The following PSKH2 variants were observed in gnomAD, a reference collection of about 807,000 sequenced individuals.
PSKH2 encodes serine/threonine-protein kinase H2.
Under a neutral mutation model 22.5 loss-of-function variants are expected in PSKH2, and 16 were observed. The ratio of observed to expected loss-of-function variants is 0.71; its 90% confidence interval spans 0.48 to 1.08. The LOEUF (loss-of-function observed/expected upper bound fraction) is 1.08, where lower values mean the gene tolerates loss of function less well. Ranked by LOEUF, PSKH2 falls within the 50% of genes least tolerant of loss-of-function variation. The pLI, the probability that PSKH2 is intolerant of heterozygous loss-of-function variation, is 0.00. For synonymous variants in PSKH2, 188 were observed against 184.8 expected (o/e 1.02, Z -0.14); for missense variants, 516 against 492.8 (o/e 1.05, Z -0.44).
At chr8:86,063,941 A>G (rs1460216309) in intron 2 of PSKH2, 24 bp downstream of exon 2, 2 of 1,570,756 alleles carry the variant, frequency 1.3e-6, no homozygotes, top group Non-Finnish European at 1.7e-6. Context: ...CCAACACAAT[A>G]GAAATAAAAT....
At chr8:86,066,680 CT>C (rs143102041) in intron 1 of PSKH2, among the ~76,000 whole-genome samples, 2,159 of 149,066 alleles carry the variant, frequency 0.014, 54 homozygotes, top group African/African-American at 0.049. Context: ...TTTCCTGTAA[CT>C]TTTTTTTTTG....
In PSKH2 at chr8:86,057,362, A is replaced by ATTTGTT. The variant is rs527575498; in HGVS notation, c.852+6597_852+6602dup. Among the ~76,000 whole-genome samples the ATTTGTT allele has an allele frequency of 4.1e-3, 599 of 146,386 alleles. 3 individuals carry two copies. Among genetic ancestry groups the ATTTGTT allele is most frequent in the Non-Finnish European group, 6.5e-3 (434 of 66,524 alleles). ...AGTTTTTTTTTGTTTGTTTGTTTTC[A>ATTTGTT]TTTGTTTTTGTTTTTGTTTTTGTTT... On this transcript the variant is annotated intron_variant, in intron 2 of 2. Transcript: ENST00000276616.
intron 2 of PSKH2, among the ~76,000 whole-genome samples, chr8:86,053,443 A>G (rs1182119129): frequency 2.0e-5 from 3 of 152,106 alleles, no homozygotes; most frequent in Non-Finnish European, 4.4e-5. Context: ...GCGGTCACAC[A>G]TCACTTTGTG....
At position 86,047,315 on chromosome 8, in the gene PSKH2, A is replaced by T. The variant is rs1280830898; in HGVS notation, c.*1147T>A. Among the ~76,000 whole-genome samples, 1 of 152,174 alleles carries T rather than the reference A, an allele frequency of 6.6e-6. No individual in the cohort carries two copies. The highest frequency in any genetic ancestry group is 1.5e-5 in the Non-Finnish European group (1 of 68,022). On this transcript the variant is annotated 3_prime_UTR_variant, in exon 3 of 3. Transcript: ENST00000276616. ...AGGTCTGTCATATATCATGTGATAC[A>T]GCATTACAACATAAAAAGAAAATAG...
intron 2 of PSKH2, among the ~76,000 whole-genome samples, chr8:86,063,475 C>T (rs1441663722): frequency 6.6e-6 from 1 of 152,148 alleles, no homozygotes; most frequent in Non-Finnish European, 1.5e-5. Flanking sequence ...TTAAACATTT[C>T]GCTGAGAAAA....
chr8:86,052,529 G>A (rs1490533530), intron 2 of PSKH2, among the ~76,000 whole-genome samples: 1 of 152,184 alleles, frequency 6.6e-6, no homozygotes, highest in Non-Finnish European at 1.5e-5. Context: ...ATTAGACCAA[G>A]CATGTGAAAA....
intron 2 of PSKH2, 124 bp from the exon 3 acceptor site, chr8:86,048,891 A>C: frequency 2.4e-6 from 2 of 837,818 alleles, no homozygotes; most frequent in Non-Finnish European, 3.6e-6. Flanking sequence ...TTTTCAAATA[A>C]GCAGTTTTAA....
intron 2 of PSKH2, among the ~76,000 whole-genome samples, chr8:86,057,157 C>T (rs560816010): frequency 3.3e-5 from 5 of 151,834 alleles, no homozygotes; most frequent in South Asian, 2.1e-4. Context: ...CTCTTGGGCT[C>T]GGGTGATCCT....
rs1343016714 is a variant in PSKH2, at chr8:86,056,842, C to T, written c.852+7123G>A. On this transcript the variant is annotated intron_variant, in intron 2 of 2. Transcript: ENST00000276616. ...AAAAACTTTTAAATGTCCAAAGTTA[C>T]ACAGTTAGTAAATTGCAGAGCTGGT... 4.0e-5 allele frequency among the ~76,000 whole-genome samples: 6 copies of T among 151,164 alleles called. No homozygotes were observed. The South Asian group carries it at 6.2e-4, about 16-fold the overall frequency.
intron 2 of PSKH2, 63 bp from the exon 3 acceptor site, chr8:86,048,830 A>T (rs772166263): frequency 5.1e-5 from 69 of 1,351,064 alleles, no homozygotes; most frequent in Non-Finnish European, 6.6e-5. Context: ...ACAAACACAA[A>T]GAATCCTATT....
chr8:86,057,811 G>A (rs1368601297), intron 2 of PSKH2, among the ~76,000 whole-genome samples: 1 of 152,076 alleles, frequency 6.6e-6, no homozygotes. Flanking sequence ...CACAAATGTG[G>A]CCCTTTTCAT....
intron 2 of PSKH2, among the ~76,000 whole-genome samples, chr8:86,053,418 G>T (rs539380935): frequency 1.1e-4 from 17 of 152,114 alleles, no homozygotes; most frequent in South Asian, 4.2e-4. Flanking sequence ...TTCTGTTCAG[G>T]CTTCTCTTTA....
At chr8:86,069,399 C>T (rs753139740) in intron 1 of PSKH2, 39 bp downstream of exon 1, 4 of 1,497,776 alleles carry the variant, frequency 2.7e-6, no homozygotes, top group Non-Finnish European at 3.6e-6. Flanking sequence ...TTTTCTTTGT[C>T]AGCCCAGTCC....
intron 1 of PSKH2, among the ~76,000 whole-genome samples, chr8:86,067,187 G>C (rs1216855372): frequency 6.6e-6 from 1 of 152,022 alleles, no homozygotes; most frequent in Non-Finnish European, 1.5e-5. Context: ...TTTGGCATTG[G>C]AGGAAACAGT....
intron 1 of PSKH2, 70 bp from the exon 2 acceptor site, chr8:86,064,701 T>A (rs1200379130): frequency 8.4e-7 from 1 of 1,184,082 alleles, no homozygotes. Flanking sequence ...AAGTCCATGC[T>A]TTATATCATC....
upstream of PSKH2, chr8:86,069,706 C>T: frequency 7.2e-7 from 1 of 1,380,666 alleles, no homozygotes; most frequent in Non-Finnish European, 9.4e-7. Flanking sequence ...CAAAGAGCAG[C>T]TGCGAGGGGC....
At position 86,048,410 on chromosome 8, in the gene PSKH2, T is replaced by G. The variant is rs151294220; in HGVS notation, c.*52A>C. The G allele has an allele frequency of 5.8e-4, 824 of 1,415,280 alleles. 4 individuals are homozygous for G. The African/African-American group carries it at 0.01, about 18-fold the overall frequency. The allele number at this position is 1,415,280 out of a possible 1,614,324, so 87.7% of individuals were successfully genotyped here. ...TCTTTGGAGCTTGAGGGTGCCCTAA[T>G]CATGATGAAATGGTCCTAAAATAGG... On this transcript the variant is annotated 3_prime_UTR_variant, in exon 3 of 3. Transcript: ENST00000276616.
Position 86,048,634 on chromosome 8 carries a change from A to G in PSKH2, c.986T>C (p.Met329Thr), listed in dbSNP as rs1817565712. 6.2e-7 allele frequency: 1 copy of G among 1,614,094 alleles called. No individual in the cohort carries two copies. The highest frequency in any genetic ancestry group is 8.5e-7 in the Non-Finnish European group (1 of 1,180,020). ...GGATATGGCCCTCTGGAGATTCTTC[A>G]TGGAAGACCCTGCAGCCATGGTGAT... Reference protein sequence around the residue: ...WVITMAAGSSMKNLQRAISRN... With the variant: ...WVITMAAGSSTKNLQRAISRN... The change falls in exon 3 of 3, where the codon ATG (methionine) becomes ACG (threonine). Residue 329 changes from methionine (M) to threonine (T), a missense_variant. Met to Thr is a moderately conservative substitution (Grantham distance 81). Transcript: ENST00000276616.
At chr8:86,049,734 GAAAGAAAGAAAGAAACGAAAGAAA>G (rs1309876240) in intron 2 of PSKH2, among the ~76,000 whole-genome samples, 622 of 45,682 alleles carry the variant, frequency 0.014, 35 homozygotes, top group African/African-American at 0.045. Context: ...AAGAAAGAAA[GAAAGAAAGAAAGAAACGAAAGAAA>G]GAAAGAAAGA....
Sources: allele counts gnomAD v4.1 joint callset (sites outside exome capture counted in the v4.1 genomes callset), GRCh38; gene constraint gnomAD v4.1.1; transcripts MANE v1.5; gene names NCBI Gene and HGNC (gene_info 2026-07-23, HGNC 2026-07-21).